NBAS: variants seen among roughly 807,000 people sequenced by gnomAD.
The protein encoded by NBAS is NAG/BC035112 fusion.
A neutral mutation model predicts 302.5 loss-of-function variants in NBAS; 219 were observed. That is an observed-to-expected ratio of 0.72 (90% CI 0.65 to 0.81). The LOEUF (loss-of-function observed/expected upper bound fraction) is 0.81, where lower values mean the gene tolerates loss of function less well. Ranked by LOEUF, NBAS falls within the 30% of genes least tolerant of loss-of-function variation. The probability of loss-of-function intolerance (pLI) is 0.00; values close to 1 mark genes in which losing one functional copy is unlikely to be tolerated. For synonymous variants in NBAS, 1,118 were observed against 1,021.6 expected (o/e 1.09, Z -1.80); for missense variants, 2,932 against 2,841.6 (o/e 1.03, Z -0.72).
chr2:15,107,220 G>A, the NBAS span, among the ~76,000 whole-genome samples: 1 of 152,034 alleles, frequency 6.6e-6, no homozygotes, highest in Non-Finnish European at 1.5e-5. Context: ...AAAATAGGGA[G>A]AGAATTCTCT....
chr2:14,973,420 A>AT, the NBAS span, among the ~76,000 whole-genome samples: 1 of 152,246 alleles, frequency 6.6e-6, no homozygotes, highest in East Asian at 1.9e-4. Flanking sequence ...AATTGATTTA[A>AT]TTTTTTAAAA....
intron 6 of NBAS, among the ~76,000 whole-genome samples, chr2:15,550,741 C>T (rs1303328421): frequency 2.0e-5 from 3 of 152,024 alleles, no homozygotes; most frequent in African/African-American, 4.8e-5. Flanking sequence ...CATGTGTCAT[C>T]ATGCCTGGGT....
the NBAS span, among the ~76,000 whole-genome samples, chr2:14,952,260 G>A: frequency 6.6e-6 from 1 of 152,246 alleles, no homozygotes; most frequent in Non-Finnish European, 1.5e-5. Context: ...TTACAGAGTA[G>A]ATAACATGAA....
At chr2:15,289,727 G>A (rs745614703) in intron 41 of NBAS, among the ~76,000 whole-genome samples, 47 of 152,140 alleles carry the variant, frequency 3.1e-4, no homozygotes, top group Non-Finnish European at 5.3e-4. Flanking sequence ...GCTGGGCGCG[G>A]TGGCTCATGC....
At chr2:15,036,090 AAAG>A in the NBAS span, among the ~76,000 whole-genome samples, 8 of 152,360 alleles carry the variant, frequency 5.3e-5, no homozygotes, top group South Asian at 6.2e-4. Context: ...ACGCCAACAG[AAAG>A]AAGAATTGCC....
At chr2:14,829,214 G>A in the NBAS span, among the ~76,000 whole-genome samples, 1 of 152,040 alleles carries the variant, frequency 6.6e-6, no homozygotes. Flanking sequence ...AGATTACACT[G>A]AACTCAGCTG....
the NBAS span, among the ~76,000 whole-genome samples, chr2:15,101,780 T>C: frequency 1.3e-5 from 2 of 152,214 alleles, no homozygotes; most frequent in Non-Finnish European, 2.9e-5. Context: ...GGGAGAATTC[T>C]TTTAGAAACT....
chr2:15,009,249 G>A, the NBAS span, among the ~76,000 whole-genome samples: 1 of 152,068 alleles, frequency 6.6e-6, no homozygotes, highest in African/African-American at 2.4e-5. Context: ...GGCACAAATG[G>A]TAATCTATCC....
chr2:14,779,938 C>T, the NBAS span, among the ~76,000 whole-genome samples: 1 of 152,160 alleles, frequency 6.6e-6, no homozygotes. Context: ...TCTCACATGA[C>T]CCAAAGGGCC....
the NBAS span, among the ~76,000 whole-genome samples, chr2:14,823,680 A>T: frequency 6.6e-6 from 1 of 152,226 alleles, no homozygotes; most frequent in Non-Finnish European, 1.5e-5. Context: ...ACTTTTAAAA[A>T]TGGTTGAAAT....
At chr2:15,056,929 A>G in the NBAS span, among the ~76,000 whole-genome samples, 1 of 146,342 alleles carries the variant, frequency 6.8e-6, no homozygotes, top group Non-Finnish European at 1.5e-5. Flanking sequence ...CCCAGGTTCC[A>G]TTGATTCTCC....
chr2:15,164,061 T>C (rs1333981057), downstream of NBAS, among the ~76,000 whole-genome samples: 1 of 152,204 alleles, frequency 6.6e-6, no homozygotes, highest in Non-Finnish European at 1.5e-5. Flanking sequence ...CCTCCCAAAG[T>C]ATTGGGATTA....
intron 16 of NBAS, among the ~76,000 whole-genome samples, chr2:15,472,675 C>T (rs889365232): frequency 1.3e-5 from 2 of 152,164 alleles, no homozygotes; most frequent in African/African-American, 2.4e-5. Flanking sequence ...CTCAAGGCAA[C>T]CCAGAGAACT....
At chr2:15,219,039 G>A in intron 47 of NBAS, 71 bp from the exon 48 acceptor site, 2 of 1,555,770 alleles carry the variant, frequency 1.3e-6, no homozygotes, top group Non-Finnish European at 8.8e-7. Flanking sequence ...GTAATCAAAT[G>A]TGGTCACTGA....
the NBAS span, among the ~76,000 whole-genome samples, chr2:15,098,488 G>T: frequency 6.6e-5 from 6 of 90,708 alleles, no homozygotes; most frequent in Admixed American, 2.8e-4. Flanking sequence ...GTTATATATT[G>T]TATATAATAT....
At chr2:14,992,497 G>T in the NBAS span, among the ~76,000 whole-genome samples, 29 of 152,314 alleles carry the variant, frequency 1.9e-4, no homozygotes, top group East Asian at 5.4e-3. Context: ...AAGCTTGGAT[G>T]ATTAAAATAT....
At chr2:15,201,153 T>C (rs1371559282) in intron 48 of NBAS, among the ~76,000 whole-genome samples, 2 of 152,356 alleles carry the variant, frequency 1.3e-5, no homozygotes, top group South Asian at 2.1e-4. Flanking sequence ...TGGTAAGCTG[T>C]TAGCCTGCTC....
chr2:14,959,533 T>A, the NBAS span, among the ~76,000 whole-genome samples: 1 of 152,216 alleles, frequency 6.6e-6, no homozygotes, highest in South Asian at 2.1e-4. Context: ...TAGAATACAT[T>A]TTATGCTCCT....
chr2:15,432,131 A>T (rs946591520), intron 21 of NBAS, among the ~76,000 whole-genome samples: 12 of 152,232 alleles, frequency 7.9e-5, no homozygotes, highest in African/African-American at 2.9e-4. Flanking sequence ...ACAGAACTAT[A>T]GAAACTTTGG....
Sources: allele counts gnomAD v4.1 joint callset (sites outside exome capture counted in the v4.1 genomes callset), GRCh38; gene constraint gnomAD v4.1.1; transcripts MANE v1.5; gene names NCBI Gene and HGNC (gene_info 2026-07-23, HGNC 2026-07-21).